The following COL28A1 variants were observed in gnomAD, a reference collection of about 807,000 sequenced individuals.
COL28A1 encodes the protein collagen type XXVIII alpha 1 chain, also known as collagen alpha-1(XXVIII) chain.
A neutral mutation model predicts 150.2 loss-of-function variants in COL28A1; 161 were observed. The ratio of observed to expected loss-of-function variants is 1.07; its 90% CI spans 0.94 to 1.22. The LOEUF (loss-of-function observed/expected upper bound fraction) is 1.22, where lower values mean the gene tolerates loss of function less well. Ranked by LOEUF, COL28A1 falls within the 50% of genes most tolerant of loss-of-function variation. The pLI is 0.00. For synonymous variants in COL28A1, 552 were observed against 469.7 expected, an observed-to-expected ratio of 1.18 and a Z score of -2.26; for missense variants, 1,617 against 1,388.3, an observed-to-expected ratio of 1.16 and a Z score of -2.62.
chr7:7,474,660 CT>C lies in COL28A1; in HGVS notation c.1242del (p.Gly415ValfsTer23), dbSNP rs1258645812. On this transcript the variant is annotated frameshift_variant, in exon 15 of 35. Transcript: ENST00000399429. LOFTEE classifies it high-confidence loss of function. ...TGTGGGCCAGTTGGTCCTTCAGAAC[CT>C]TTTTCACCCTGAAAGTACAAGGGAG... ...GEGFPGPKGE[K>X]GSEGPTGPQG... The C allele has an allele frequency of 9.1e-5, 126 of 1,380,784 alleles. No homozygotes were observed. The highest frequency in any genetic ancestry group is 1.2e-4 in the Non-Finnish European group (115 of 967,170). The allele number at this position is 1,380,784 out of a possible 1,614,324, so 85.5% of individuals were successfully genotyped here.
chr7:7,530,384 G>C (rs1782281012), intron 3 of COL28A1, among the ~76,000 whole-genome samples: 1 of 152,168 alleles, frequency 6.6e-6, no homozygotes, highest in Non-Finnish European at 1.5e-5. Context: ...TTGAGAAAAA[G>C]ATCGAGGGAT....
rs566119709 is a variant in COL28A1 at position 7,382,127 on chromosome 7, T to A, written c.2137-515A>T. 7.9e-5 allele frequency among the ~76,000 whole-genome samples: 12 copies of A among 152,242 alleles called. No individual in the cohort carries two copies. The South Asian group carries it at 2.5e-3, about 32-fold the overall frequency. ...GAGTTTGAGACCAGCCTGGCCAACA[T>A]GGCGAAATCCTGTCTCTACTGAAAA... On this transcript the variant is annotated intron_variant, in intron 27 of 34. Coordinates refer to ENST00000399429, the MANE Select transcript of COL28A1 (RefSeq NM_001037763.3).
At chr7:7,536,428 G>A (rs1782641184), upstream of COL28A1, among the ~76,000 whole-genome samples, 1 of 152,136 alleles carries the variant, frequency 6.6e-6, no homozygotes, top group South Asian at 2.1e-4. Flanking sequence ...TGAAATGAGA[G>A]AGTAGATTTA....
intron 13 of COL28A1, among the ~76,000 whole-genome samples, chr7:7,478,808 G>A (rs575893187): frequency 3.9e-5 from 6 of 152,380 alleles, no homozygotes; most frequent in South Asian, 2.1e-4. Context: ...CTCACTGCCC[G>A]GGGCGGCAGG....
chr7:7,390,040 T>A (rs912719474), intron 27 of COL28A1, among the ~76,000 whole-genome samples: 6 of 152,204 alleles, frequency 3.9e-5, no homozygotes, highest in African/African-American at 1.4e-4. Context: ...TGAATAGGAA[T>A]GGTGAGAGAG....
rs556361930 is a variant in COL28A1, at chr7:7,410,957, G to C, written c.2136+6902C>G. Reference sequence around the variant, plus strand: ...TAAATCGTTTCTATTTGGCCTTCAAGCATGGCAATTTTCTGTGCTGTAAAA... The same window carrying C: ...TAAATCGTTTCTATTTGGCCTTCAACCATGGCAATTTTCTGTGCTGTAAAA... On this transcript the variant is annotated intron_variant, in intron 27 of 34. Coordinates refer to ENST00000399429, the MANE Select transcript of COL28A1 (RefSeq NM_001037763.3). 3.3e-5 allele frequency among the ~76,000 whole-genome samples: 5 copies of C among 152,144 alleles called. No individual in the cohort carries two copies. In the East Asian group the frequency reaches 9.7e-4, roughly 29 times the overall value.
intron 13 of COL28A1, 30 bp from the exon 14 acceptor site, chr7:7,477,210 G>A (rs773941019): frequency 1.1e-6 from 1 of 896,602 alleles, no homozygotes; most frequent in South Asian, 1.3e-5. Flanking sequence ...ATGAGGAGCA[G>A]GAGGAGAGAG....
At position 7,527,042 on chromosome 7, in the gene COL28A1, C is replaced by G. The variant is rs567548997; in HGVS notation, c.682-2793G>C. The stretch of plus-strand genomic sequence containing the variant: ...AGTTCTTTCTTTTAAAATTCAATTT[C>G]TTCTTTGCCATATTGCTCTTTAGAA... On this transcript the variant is annotated intron_variant, in intron 3 of 34. Transcript: ENST00000399429. 9.2e-5 allele frequency among the ~76,000 whole-genome samples: 14 copies of G among 152,288 alleles called. 1 individual carries two copies. In the South Asian group the frequency reaches 2.9e-3, roughly 32 times the overall value.
intron 18 of COL28A1, 65 bp downstream of exon 18, chr7:7,452,254 A>G: frequency 6.4e-7 from 1 of 1,570,596 alleles, no homozygotes; most frequent in South Asian, 1.2e-5. Flanking sequence ...GCAATTGGAT[A>G]TAAAGGAAAC....
At chr7:7,442,025 A>G (rs1453126443) in intron 20 of COL28A1, among the ~76,000 whole-genome samples, 1 of 152,178 alleles carries the variant, frequency 6.6e-6, no homozygotes, top group Non-Finnish European at 1.5e-5. Context: ...TCACCCCAGA[A>G]ATGAACAGCA....
chr7:7,520,974 G>A (rs1374439500), intron 5 of COL28A1, among the ~76,000 whole-genome samples: 1 of 152,078 alleles, frequency 6.6e-6, no homozygotes, highest in South Asian at 2.1e-4. Context: ...TCCCTTGATT[G>A]GTAGGATGGT....
intron 30 of COL28A1, among the ~76,000 whole-genome samples, chr7:7,377,007 T>A (rs1781590689): frequency 6.6e-6 from 1 of 152,202 alleles, no homozygotes; most frequent in South Asian, 2.1e-4. Flanking sequence ...TCTCATTGTT[T>A]TAAATTACAC....
At chr7:7,356,913 TAAATA>T (rs1343613666), downstream of COL28A1, 1 of 152,200 alleles carries the variant, frequency 6.6e-6, no homozygotes, top group East Asian at 1.9e-4. Flanking sequence ...CAATTTTAAT[TAAATA>T]AAAAAATTAT....
At chr7:7,359,653 T>C (rs1193519508) in intron 34 of COL28A1, among the ~76,000 whole-genome samples, 1 of 152,132 alleles carries the variant, frequency 6.6e-6, no homozygotes, top group African/African-American at 2.4e-5. Context: ...TGTGATAAAC[T>C]TTATTTTGCA....
chr7:7,477,279 T>G, intron 13 of COL28A1, 99 bp from the exon 14 acceptor site: 2 of 727,686 alleles, frequency 2.7e-6, no homozygotes, highest in Non-Finnish European at 4.9e-6. Flanking sequence ...TGGTTATATT[T>G]CAGTTTACAT....
At chr7:7,425,033 T>C (rs755821178) in intron 25 of COL28A1, among the ~76,000 whole-genome samples, 4 of 152,140 alleles carry the variant, frequency 2.6e-5, no homozygotes, top group Admixed American at 2.6e-4. Context: ...CATTTTCTCA[T>C]TAGTAAATCT....
At chr7:7,514,501 C>A (rs147528979) in intron 8 of COL28A1, among the ~76,000 whole-genome samples, 140 of 152,306 alleles carry the variant, frequency 9.2e-4, no homozygotes, top group African/African-American at 3.2e-3. Flanking sequence ...GGAGTTCTAA[C>A]ATTGCCAGCG....
chr7:7,496,112 G>A (rs1298977750), intron 11 of COL28A1, among the ~76,000 whole-genome samples: 2 of 152,130 alleles, frequency 1.3e-5, no homozygotes, highest in Admixed American at 6.5e-5. Context: ...GCTTCAAGAA[G>A]GGTTTTTCTG....
intron 23 of COL28A1, among the ~76,000 whole-genome samples, chr7:7,433,043 T>C (rs1043391633): frequency 1.3e-5 from 2 of 152,118 alleles, no homozygotes; most frequent in Admixed American, 1.3e-4. Context: ...TAAACCCAGA[T>C]GAAAATAAAA....
Sources: gnomAD v4.1 joint callset for allele counts (sites outside exome capture counted in the v4.1 genomes callset) on GRCh38, gnomAD v4.1.1 for gene constraint, MANE v1.5 for transcripts, NCBI Gene and HGNC (gene_info 2026-07-23, HGNC 2026-07-21) for gene names.